Variants in CASP6 observed in about 807,000 individuals in gnomAD.
CASP6 encodes the protein caspase-6.
Under a neutral mutation model 31.8 loss-of-function variants are expected in CASP6, and 20 were observed. The observed-to-expected ratio is 0.63, with a 90% confidence interval of 0.44 to 0.91. The LOEUF (loss-of-function observed/expected upper bound fraction) is 0.91. Ranked by LOEUF, CASP6 falls within the 40% of genes least tolerant of loss-of-function variation. CASP6 has a pLI of 0.00. For synonymous variants in CASP6, 130 were observed against 127.8 expected, an observed-to-expected ratio of 1.02 and a Z score of -0.12; for missense variants, 328 against 361.1, an observed-to-expected ratio of 0.91 and a Z score of 0.74.
intron 4 of CASP6, among the ~76,000 whole-genome samples, chr4:109,695,909 A>T (rs1255516117): frequency 2.6e-5 from 4 of 152,204 alleles, no homozygotes; most frequent in Non-Finnish European, 4.4e-5. Flanking sequence ...CTCTGAAGAA[A>T]GTTTAAAGTA....
upstream of CASP6, among the ~76,000 whole-genome samples, chr4:109,704,702 GCTACA>G: frequency 6.6e-6 from 1 of 152,232 alleles, no homozygotes; most frequent in Non-Finnish European, 1.5e-5. Context: ...GATAAAGGCA[GCTACA>G]CTAAACAACA....
chr4:109,684,473 G>T (rs1729789925), downstream of CASP6: 3 of 1,612,774 alleles, frequency 1.9e-6, no homozygotes, highest in African/African-American at 2.7e-5. Flanking sequence ...TCATTCGGAA[G>T]CCAAAACCAG....
At chr4:109,709,464 T>C in the CASP6 span, among the ~76,000 whole-genome samples, 1 of 152,194 alleles carries the variant, frequency 6.6e-6, no homozygotes, top group African/African-American at 2.4e-5. Flanking sequence ...TATATCTGAA[T>C]AGTTTTCCAT....
At chr4:109,683,426 T>A in the CASP6 span, among the ~76,000 whole-genome samples, 5 of 152,198 alleles carry the variant, frequency 3.3e-5, no homozygotes, top group Admixed American at 1.3e-4. Context: ...TGGTTTTTTT[T>A]ATCGTTTACC....
intron 1 of CASP6, among the ~76,000 whole-genome samples, chr4:109,701,769 A>C (rs1022997449): frequency 6.6e-6 from 1 of 152,162 alleles, no homozygotes; most frequent in Non-Finnish European, 1.5e-5. Flanking sequence ...TAGATACCTT[A>C]TCTCACAGCT....
the CASP6 span, among the ~76,000 whole-genome samples, chr4:109,666,328 T>A: frequency 6.6e-6 from 1 of 152,194 alleles, no homozygotes. Flanking sequence ...GGAACATGAT[T>A]GCTGGCACAT....
intron 1 of CASP6, among the ~76,000 whole-genome samples, chr4:109,698,794 G>A (rs1390129221): frequency 1.3e-5 from 2 of 152,230 alleles, no homozygotes; most frequent in African/African-American, 4.8e-5. Flanking sequence ...AGAGGTAGAA[G>A]TTTGGGTGGA....
In CASP6 at chr4:109,689,508, ATC is replaced by A; in HGVS notation, c.702_703del (p.Glu234AspfsTer50). The A allele has an allele frequency of 6.2e-7, 1 of 1,614,190 alleles. No homozygotes were observed. The highest frequency in any genetic ancestry group is 8.5e-7 in the Non-Finnish European group (1 of 1,180,038). ...TAAGGAGGAGCCATATTTTCCCAAC[ATC>A]TCACACAAATCTTGAATGTACCATG... On this transcript the variant is annotated frameshift_variant, in exon 7 of 7. Transcript: ENST00000265164. LOFTEE classifies it high-confidence loss of function.
the CASP6 span, chr4:109,681,450 G>A: frequency 2.2e-6 from 1 of 453,802 alleles, no homozygotes; most frequent in Admixed American, 2.4e-5. Flanking sequence ...GTTACCGGGG[G>A]TCCTTGCTCC....
downstream of CASP6, chr4:109,684,689 C>T (rs370475369): frequency 1.2e-5 from 11 of 918,014 alleles, no homozygotes; most frequent in Non-Finnish European, 1.7e-5. Context: ...AACATCTTTG[C>T]AAAGAATGTC....
upstream of CASP6, among the ~76,000 whole-genome samples, chr4:109,704,004 G>A (rs1380700768): frequency 6.6e-6 from 1 of 152,078 alleles, no homozygotes; most frequent in Non-Finnish European, 1.5e-5. Flanking sequence ...TATTGCAATT[G>A]TTTTGGGGCA....
upstream of CASP6, among the ~76,000 whole-genome samples, chr4:109,705,932 T>C (rs1346294199): frequency 1.4e-4 from 16 of 117,184 alleles, no homozygotes; most frequent in African/African-American, 5.3e-4. Context: ...CAGCTGACTG[T>C]GCCACTGCAC....
At chr4:109,705,658 G>A (rs955368007), upstream of CASP6, among the ~76,000 whole-genome samples, 3 of 151,812 alleles carry the variant, frequency 2.0e-5, no homozygotes, top group African/African-American at 7.3e-5. Flanking sequence ...AGAGACTAGA[G>A]GGGGAAAAAA....
At chr4:109,705,800 C>A (rs908326732), upstream of CASP6, among the ~76,000 whole-genome samples, 6 of 149,830 alleles carry the variant, frequency 4.0e-5, no homozygotes, top group African/African-American at 1.5e-4. Flanking sequence ...CAATGCAAGA[C>A]CCTGTCTCTA....
At chr4:109,692,960 T>C (rs1730122699) in intron 5 of CASP6, among the ~76,000 whole-genome samples, 3 of 152,298 alleles carry the variant, frequency 2.0e-5, no homozygotes, top group African/African-American at 7.2e-5. Flanking sequence ...TGGTTCCCAG[T>C]GTGGGAGGTG....
downstream of CASP6, chr4:109,684,666 A>G (rs1307804398): frequency 1.7e-6 from 2 of 1,179,374 alleles, no homozygotes; most frequent in Non-Finnish European, 1.3e-6. Context: ...TTGTTAGGAA[A>G]ATGGTAAGTT....
chr4:109,667,321 C>T, the CASP6 span, among the ~76,000 whole-genome samples: 3 of 151,838 alleles, frequency 2.0e-5, no homozygotes, highest in African/African-American at 4.8e-5. Context: ...ATAGATTGTA[C>T]CTTTTAGAGA....
downstream of CASP6, chr4:109,685,271 T>C: frequency 6.7e-7 from 1 of 1,497,684 alleles, no homozygotes; most frequent in Non-Finnish European, 9.3e-7. Flanking sequence ...ACTCAGCTGT[T>C]AAGAGTAGGC....
upstream of CASP6, chr4:109,703,624 G>A (rs1439910672): frequency 1.7e-6 from 1 of 578,496 alleles, no homozygotes; most frequent in Non-Finnish European, 3.0e-6. Context: ...CAAGAGCGCG[G>A]GGGCAGGGAG....
Sources: gnomAD v4.1 joint callset for allele counts (sites outside exome capture counted in the v4.1 genomes callset) on GRCh38, gnomAD v4.1.1 for gene constraint, MANE v1.5 for transcripts, NCBI Gene and HGNC (gene_info 2026-07-23, HGNC 2026-07-21) for gene names.